Variants in CHD9 observed in about 807,000 individuals in gnomAD.
The protein encoded by CHD9 is ATP-dependent chromatin remodeler CHD9.
A neutral mutation model predicts 316.1 loss-of-function variants in CHD9; 77 were observed. The ratio of observed to expected loss-of-function variants is 0.24; its 90% confidence interval spans 0.20 to 0.29. The LOEUF (loss-of-function observed/expected upper bound fraction) is 0.29, where lower values mean the gene tolerates loss of function less well. Ranked by LOEUF, CHD9 falls within the 10% of genes least tolerant of loss-of-function variation. The pLI, the probability that CHD9 is intolerant of heterozygous loss-of-function variation, is 1.00. For missense variants in CHD9, 2,763 were observed against 3,438.1 expected (o/e 0.80, Z 4.91); for synonymous variants, 1,129 against 1,158.3 (o/e 0.97, Z 0.51).
chr16:53,319,894 T>A, intron 37 of CHD9: 1 of 1,083,402 alleles, frequency 9.2e-7, no homozygotes, highest in Non-Finnish European at 1.2e-6. Context: ...CCATTTTCAA[T>A]AGAAGCTTAA....
At chr16:53,118,079 G>T (rs567092819) in intron 1 of CHD9, among the ~76,000 whole-genome samples, 1 of 152,042 alleles carries the variant, frequency 6.6e-6, no homozygotes, top group South Asian at 2.1e-4. Flanking sequence ...CACCCGCCTC[G>T]GCCTCCCAAA....
intron 2 of CHD9, among the ~76,000 whole-genome samples, chr16:53,186,771 G>C (rs1298916602): frequency 1.3e-5 from 2 of 152,120 alleles, no homozygotes; most frequent in African/African-American, 4.8e-5. Flanking sequence ...AAAAGATGAT[G>C]GTCTTATAAG....
intron 12 of CHD9, among the ~76,000 whole-genome samples, chr16:53,242,026 A>G (rs2049144584): frequency 1.3e-5 from 2 of 152,176 alleles, no homozygotes; most frequent in Non-Finnish European, 2.9e-5. Context: ...ATGCTGCCAA[A>G]GATACTCTTA....
At chr16:53,317,440 T>C (rs2056970556) in intron 36 of CHD9, among the ~76,000 whole-genome samples, 1 of 152,264 alleles carries the variant, frequency 6.6e-6, no homozygotes, top group Middle Eastern at 3.4e-3. Context: ...AGAAGTAGCA[T>C]GGTTTGATTG....
At chr16:53,269,882 C>T (rs1294759923) in intron 22 of CHD9, among the ~76,000 whole-genome samples, 5 of 152,100 alleles carry the variant, frequency 3.3e-5, no homozygotes, top group Non-Finnish European at 5.9e-5. Context: ...GATAGTCTCC[C>T]GCCCCCCACA....
chr16:53,272,981 C>T (rs1235799764), intron 22 of CHD9, among the ~76,000 whole-genome samples: 1 of 151,970 alleles, frequency 6.6e-6, no homozygotes, highest in African/African-American at 2.4e-5. Flanking sequence ...CCCAGCTACT[C>T]AGGAGGCTGA....
At chr16:53,193,072 A>G (rs2044604986) in intron 2 of CHD9, among the ~76,000 whole-genome samples, 1 of 152,126 alleles carries the variant, frequency 6.6e-6, no homozygotes. Context: ...AAGTGGTTGT[A>G]CCATTTTGCA....
chr16:53,178,427 C>CTTTTTTTTTT (rs10569589), intron 2 of CHD9, among the ~76,000 whole-genome samples: 2 of 98,972 alleles, frequency 2.0e-5, no homozygotes, highest in Non-Finnish European at 4.1e-5. Context: ...TTGTTGGTTT[C>CTTTTTTTTTT]TTTTTTTTTT....
chr16:53,291,620 G>T lies in CHD9; in HGVS notation c.5248-105G>T, dbSNP rs187102760. On this transcript the variant is annotated intron_variant, in intron 27 of 38. Transcript: ENST00000447540. ...TAAATTAATTATTTAACATTCCATT[G>T]GGGGAGAAAAGCTCTCTGTTATAAA... 242 of 694,592 alleles carry T rather than the reference G, an allele frequency of 3.5e-4. 1 individual carries two copies. In the African/African-American group the frequency reaches 4.0e-3, roughly 12 times the overall value. The allele number at this position is 694,592 out of a possible 1,614,324, so 43.0% of individuals were successfully genotyped here.
chr16:53,209,223 A>G (rs1211168886), intron 2 of CHD9, among the ~76,000 whole-genome samples: 1 of 152,240 alleles, frequency 6.6e-6, no homozygotes, highest in Admixed American at 6.5e-5. Context: ...ACTTGAATCA[A>G]CTAACCAAGA....
intron 29 of CHD9, among the ~76,000 whole-genome samples, chr16:53,296,379 T>C (rs2153062998): frequency 6.6e-6 from 1 of 152,136 alleles, no homozygotes; most frequent in South Asian, 2.1e-4. Flanking sequence ...AAAAGTATGT[T>C]TGGGGACACA....
chr16:53,241,613 C>A (rs2049101837), intron 12 of CHD9, among the ~76,000 whole-genome samples: 1 of 152,174 alleles, frequency 6.6e-6, no homozygotes, highest in Non-Finnish European at 1.5e-5. Context: ...ACATGAACTT[C>A]CAGTTGTTCA....
chr16:53,267,178 T>C (rs2051780345), intron 20 of CHD9, 116 bp from the exon 21 acceptor site: 1 of 598,766 alleles, frequency 1.7e-6, no homozygotes, highest in African/African-American at 1.9e-5. Context: ...AAATTGTTAG[T>C]TGTTTCTTTT....
chr16:53,209,201 T>C (rs1000595558), intron 2 of CHD9, among the ~76,000 whole-genome samples: 44 of 152,298 alleles, frequency 2.9e-4, no homozygotes, highest in Non-Finnish European at 5.9e-5. Context: ...TCAACTATCT[T>C]TACAGGACAA....
At chr16:53,228,530 T>A (rs539434281) in intron 7 of CHD9, among the ~76,000 whole-genome samples, 1 of 146,352 alleles carries the variant, frequency 6.8e-6, no homozygotes, top group Admixed American at 6.8e-5. Flanking sequence ...TGTACCTCCA[T>A]GAAAGTGTTT....
chr16:53,175,155 C>T (rs998713305), intron 2 of CHD9, among the ~76,000 whole-genome samples: 4 of 152,034 alleles, frequency 2.6e-5, no homozygotes, highest in African/African-American at 7.2e-5. Flanking sequence ...AATCTTTTCA[C>T]GGACAATTGC....
In CHD9 at chr16:53,068,992, C is replaced by CTTTTATTTTA. The variant is rs375220700; in HGVS notation, c.-165+13935_-165+13944dup. ...TTTAACCATCTTAATGCATTTTCTT[C>CTTTTATTTTA]TTTTATTTTATTTTATTTTATTTTA... On this transcript the variant is annotated intron_variant, in intron 1 of 38. Transcript: ENST00000447540. 7.9e-3 allele frequency among the ~76,000 whole-genome samples: 1,196 copies of CTTTTATTTTA among 151,940 alleles called. 19 individuals are homozygous for CTTTTATTTTA. The highest frequency in any genetic ancestry group is 0.027 in the African/African-American group (1,098 of 41,432).
intron 27 of CHD9, 137 bp from the exon 28 acceptor site, chr16:53,291,588 T>G (rs1462497295): frequency 3.5e-6 from 2 of 564,922 alleles, no homozygotes; most frequent in Non-Finnish European, 3.0e-6. Flanking sequence ...GAAAGTTTTA[T>G]TTTTGCTAAA....
At chr16:53,149,251 G>A (rs560408711) in intron 1 of CHD9, among the ~76,000 whole-genome samples, 1 of 152,276 alleles carries the variant, frequency 6.6e-6, no homozygotes, top group African/African-American at 2.4e-5. Flanking sequence ...TAGAGTGTCT[G>A]TATATGTGTG....
Sources: gnomAD v4.1 joint callset for allele counts (sites outside exome capture counted in the v4.1 genomes callset) on GRCh38, gnomAD v4.1.1 for gene constraint, MANE v1.5 for transcripts, NCBI Gene and HGNC (gene_info 2026-07-23, HGNC 2026-07-21) for gene names.